Variants in PPARGC1A observed in about 807,000 individuals in gnomAD.
The protein encoded by PPARGC1A is PPARG coactivator 1 alpha.
Under a neutral mutation model 88.7 loss-of-function variants are expected in PPARGC1A, and 25 were observed. The observed-to-expected ratio is 0.28, with a 90% CI of 0.21 to 0.39. The LOEUF is 0.39. PPARGC1A is among the 10% of genes least tolerant of loss of function. The probability of loss-of-function intolerance (pLI) is 1.00; values close to 1 mark genes in which losing one functional copy is unlikely to be tolerated. For synonymous variants in PPARGC1A, 363 were observed against 355.6 expected (o/e 1.02, Z -0.24); for missense variants, 880 against 968.7 (o/e 0.91, Z 1.22).
At chr4:23,895,799 C>G in intron 1 of PPARGC1A, among the ~76,000 whole-genome samples, 1 of 151,916 alleles carries the variant, frequency 6.6e-6, no homozygotes, top group East Asian at 1.9e-4. Flanking sequence ...AGAAATTCAT[C>G]CTAAGGCAAT....
At chr4:24,213,356 C>G in the PPARGC1A span, among the ~76,000 whole-genome samples, 1 of 151,868 alleles carries the variant, frequency 6.6e-6, no homozygotes, top group Non-Finnish European at 1.5e-5. Context: ...TTAGTAGAGA[C>G]GGGGTTTCAC....
the PPARGC1A span, among the ~76,000 whole-genome samples, chr4:23,937,823 A>G: frequency 6.6e-6 from 1 of 152,198 alleles, no homozygotes; most frequent in African/African-American, 2.4e-5. Context: ...GCTCACAGGT[A>G]CTTTTCCTGT....
chr4:23,901,459 G>A (rs1048906903), upstream of PPARGC1A, among the ~76,000 whole-genome samples: 4 of 150,672 alleles, frequency 2.7e-5, no homozygotes, highest in East Asian at 1.9e-4. Flanking sequence ...CAGAAGAACC[G>A]CTTGAATGCA....
the PPARGC1A span, among the ~76,000 whole-genome samples, chr4:24,462,700 A>G: frequency 6.6e-6 from 1 of 151,094 alleles, no homozygotes; most frequent in Non-Finnish European, 1.5e-5. Flanking sequence ...GTGGTCTGTA[A>G]GTGGATTCTA....
the PPARGC1A span, among the ~76,000 whole-genome samples, chr4:23,963,717 T>C: frequency 6.6e-6 from 1 of 152,172 alleles, no homozygotes; most frequent in Non-Finnish European, 1.5e-5. Context: ...TGTGTGGCCA[T>C]AAATTAGGTT....
chr4:24,087,015 C>T, the PPARGC1A span, among the ~76,000 whole-genome samples: 1 of 152,148 alleles, frequency 6.6e-6, no homozygotes, highest in African/African-American at 2.4e-5. Flanking sequence ...GACCCATATG[C>T]TATAATACCT....
the PPARGC1A span, among the ~76,000 whole-genome samples, chr4:24,324,912 G>C: frequency 6.6e-6 from 1 of 152,030 alleles, no homozygotes; most frequent in Non-Finnish European, 1.5e-5. Flanking sequence ...GCCCAAGCTA[G>C]GTCCCAATAA....
chr4:23,884,838 T>A lies in PPARGC1A; in HGVS notation c.148A>T (p.Ser50Cys), dbSNP rs1338326192. 1 of 1,613,968 alleles carries A rather than the reference T, an allele frequency of 6.2e-7. No homozygotes were observed. Among genetic ancestry groups the A allele is most frequent in the East Asian group, 2.2e-5 (1 of 44,854 alleles). The change falls in exon 2 of 13, where the codon AGC becomes TGC. Residue 50 changes from serine (S) to cysteine (C), a missense_variant. Physicochemically the swap from Ser to Cys is moderately radical, Grantham distance 112. Transcript: ENST00000264867. ...CACCACTTGAGTCCACCCAGAAAGC[T>A]GTCTGTATCCAAGTCGTTCACATCT... ...ELDVNDLDTD[S>C]FLGGLKWCSD...
the PPARGC1A span, among the ~76,000 whole-genome samples, chr4:24,454,737 C>CAAA: frequency 1.4e-5 from 2 of 141,714 alleles, no homozygotes; most frequent in Non-Finnish European, 3.1e-5. Flanking sequence ...GACCTTGTCT[C>CAAA]AAAAAAAAAA....
the PPARGC1A span, among the ~76,000 whole-genome samples, chr4:24,096,514 C>A: frequency 4.0e-5 from 6 of 151,276 alleles, no homozygotes; most frequent in African/African-American, 1.2e-4. Context: ...ACAGCTCTAG[C>A]TGAATTAAAA....
At chr4:24,150,577 A>T in the PPARGC1A span, among the ~76,000 whole-genome samples, 16,568 of 152,180 alleles carry the variant, frequency 0.11, 2,776 homozygotes, top group African/African-American at 0.36. Context: ...TTGTGCCAGT[A>T]AACTCTAAAA....
the PPARGC1A span, among the ~76,000 whole-genome samples, chr4:24,068,639 G>T: frequency 6.6e-6 from 1 of 152,156 alleles, no homozygotes; most frequent in Non-Finnish European, 1.5e-5. Context: ...GAAGGTGTTG[G>T]TGTCAGAACA....
chr4:24,260,887 C>T, the PPARGC1A span, among the ~76,000 whole-genome samples: 2 of 152,156 alleles, frequency 1.3e-5, no homozygotes, highest in African/African-American at 4.8e-5. Flanking sequence ...ACTATCTTCA[C>T]CTGTTAGCCC....
At chr4:24,104,210 C>T in the PPARGC1A span, among the ~76,000 whole-genome samples, 10 of 152,170 alleles carry the variant, frequency 6.6e-5, no homozygotes, top group East Asian at 1.9e-4. Flanking sequence ...GTAGAGTGGG[C>T]GCCCTCTTCG....
At chr4:24,431,124 C>CAAA in the PPARGC1A span, among the ~76,000 whole-genome samples, 1 of 72,556 alleles carries the variant, frequency 1.4e-5, no homozygotes, top group Non-Finnish European at 2.8e-5. Context: ...GACTCCATCT[C>CAAA]AAAAAAAAAA....
intron 2 of PPARGC1A, among the ~76,000 whole-genome samples, chr4:23,839,228 G>A (rs978069075): frequency 2.6e-5 from 4 of 152,106 alleles, no homozygotes; most frequent in Non-Finnish European, 5.9e-5. Flanking sequence ...TCAGTATTCT[G>A]TAGAGGTTAT....
At chr4:24,218,914 A>T in the PPARGC1A span, among the ~76,000 whole-genome samples, 3 of 152,192 alleles carry the variant, frequency 2.0e-5, no homozygotes, top group Admixed American at 6.5e-5. Context: ...TTTGAGATTC[A>T]TGCCCCAATG....
At chr4:24,274,197 G>A in the PPARGC1A span, among the ~76,000 whole-genome samples, 2 of 152,094 alleles carry the variant, frequency 1.3e-5, no homozygotes, top group Admixed American at 6.5e-5. Flanking sequence ...TACCCAAGAA[G>A]TACAATCCTT....
chr4:24,368,426 TA>T, the PPARGC1A span, among the ~76,000 whole-genome samples: 7 of 152,000 alleles, frequency 4.6e-5, no homozygotes, highest in East Asian at 3.9e-4. Flanking sequence ...TTTAAAACAT[TA>T]AAAAAAATTA....
Sources: gnomAD v4.1 joint callset for allele counts (sites outside exome capture counted in the v4.1 genomes callset) on GRCh38, gnomAD v4.1.1 for gene constraint, MANE v1.5 for transcripts, NCBI Gene and HGNC (gene_info 2026-07-23, HGNC 2026-07-21) for gene names.